Variants in DCC observed in about 807,000 individuals in gnomAD.
DCC encodes DCC netrin 1 receptor.
DCC carries 58 observed loss-of-function variants against 172.5 expected under a neutral mutation model. That is an observed-to-expected ratio of 0.34 (90% confidence interval 0.27 to 0.42). The LOEUF (loss-of-function observed/expected upper bound fraction) is 0.42, where lower values mean the gene tolerates loss of function less well. Ranked by LOEUF, DCC falls within the 10% of genes least tolerant of loss-of-function variation. DCC has a pLI of 1.00. For missense variants in DCC, 1,740 were observed against 1,791.0 expected (o/e 0.97, Z 0.51); for synonymous variants, 709 against 644.5 (o/e 1.10, Z -1.52).
At chr18:52,472,739 C>CA (rs1358269963) in intron 1 of DCC, among the ~76,000 whole-genome samples, 3 of 151,970 alleles carry the variant, frequency 2.0e-5, no homozygotes, top group African/African-American at 7.3e-5. Flanking sequence ...TGTGTCTCTA[C>CA]AAAAAACATT....
chr18:52,707,223 C>A (rs2036225473), intron 1 of DCC, among the ~76,000 whole-genome samples: 1 of 152,072 alleles, frequency 6.6e-6, no homozygotes, highest in African/African-American at 2.4e-5. Context: ...ATTATTATTG[C>A]TTATTTGCTT....
chr18:53,333,600 C>G (rs994248024), intron 14 of DCC, among the ~76,000 whole-genome samples: 1 of 151,772 alleles, frequency 6.6e-6, no homozygotes, highest in African/African-American at 2.4e-5. Context: ...GTGAGGTGAA[C>G]GAAGGCAAAA....
intron 25 of DCC, chr18:53,481,203 A>G (rs532473218): frequency 1.3e-5 from 2 of 152,342 alleles, no homozygotes; most frequent in East Asian, 3.9e-4. Context: ...AATCCTGGTA[A>G]AATGTGCAAG....
At chr18:52,844,170 G>A (rs1008182400) in intron 2 of DCC, among the ~76,000 whole-genome samples, 1 of 152,092 alleles carries the variant, frequency 6.6e-6, no homozygotes, top group Admixed American at 6.6e-5. Flanking sequence ...TGGAATATAG[G>A]ACTGGTCAGA....
At chr18:52,802,833 A>AAGGT (rs2038018510) in intron 2 of DCC, among the ~76,000 whole-genome samples, 1 of 151,334 alleles carries the variant, frequency 6.6e-6, no homozygotes, top group African/African-American at 2.4e-5. Flanking sequence ...CTGATAGCCT[A>AAGGT]TTGTTGACCA....
chr18:53,410,660 C>T lies in DCC; in HGVS notation c.3130+14C>T, dbSNP rs1568114534. The T allele has an allele frequency of 3.5e-6, 5 of 1,446,064 alleles. No individual in the cohort carries two copies. Among genetic ancestry groups the T allele is most frequent in the Admixed American group, 1.7e-5 (1 of 59,800 alleles). The allele number at this position is 1,446,064 out of a possible 1,614,324, so 89.6% of individuals were successfully genotyped here. On this transcript the variant is annotated intron_variant, in intron 20 of 28. Coordinates refer to ENST00000442544, the MANE Select transcript of DCC (RefSeq NM_005215.4). ...GGACTCTGAAAGGTTTGAATAATTT[C>T]CTATTATGCTTTTCTTTTCCTGTGG...
In DCC at chr18:52,340,806, T is replaced by C. The variant is rs547090648; in HGVS notation, c.19T>C (p.Cys7Arg). ...CTGAAATATGGAGAATAGTCTTAGATGTGTTTGGGTACCCAAGCTGGCTTT... is the reference window on the plus strand; with the variant it reads ...CTGAAATATGGAGAATAGTCTTAGACGTGTTTGGGTACCCAAGCTGGCTTT... Reference protein sequence around the residue: MENSLRCVWVPKLAFVL... With the variant: MENSLRRVWVPKLAFVL... The change falls in exon 1 of 29, where the codon TGT (cysteine) becomes CGT (arginine). Residue 7 changes from cysteine (C) to arginine (R), a missense_variant. Around this residue, in one of 2 missense-constraint regions of DCC, gnomAD observed 1,732 missense variants for 1,767.4 expected, o/e 0.98. Transcript: ENST00000442544. The C allele has an allele frequency of 1.4e-5, 23 of 1,613,822 alleles. No individual in the cohort carries two copies. Among genetic ancestry groups the C allele is most frequent in the Non-Finnish European group, 1.7e-5 (20 of 1,179,770 alleles).
chr18:53,510,502 CAA>C (rs1331609908), intron 27 of DCC, among the ~76,000 whole-genome samples: 2 of 152,158 alleles, frequency 1.3e-5, no homozygotes, highest in African/African-American at 4.8e-5. Context: ...TGCCGTAAGT[CAA>C]AAGAGTATGT....
chr18:53,414,002 G>T (rs1003084216), intron 20 of DCC, among the ~76,000 whole-genome samples: 2 of 152,136 alleles, frequency 1.3e-5, no homozygotes, highest in African/African-American at 4.8e-5. Flanking sequence ...CCTGTCAAAA[G>T]CATCTTTATC....
At chr18:52,549,928 G>A (rs528365547) in intron 1 of DCC, among the ~76,000 whole-genome samples, 2 of 151,818 alleles carry the variant, frequency 1.3e-5, no homozygotes, top group East Asian at 3.9e-4. Flanking sequence ...ATGAGGTAGA[G>A]CATGACTCTG....
At chr18:53,242,122 A>G (rs917966488) in intron 12 of DCC, among the ~76,000 whole-genome samples, 1 of 152,276 alleles carries the variant, frequency 6.6e-6, no homozygotes, top group Non-Finnish European at 1.5e-5. Context: ...GTGGGCTTGT[A>G]GTAAAGAACA....
chr18:52,927,089 G>T (rs1356498959), intron 5 of DCC, among the ~76,000 whole-genome samples: 2 of 94,468 alleles, frequency 2.1e-5, no homozygotes, highest in East Asian at 2.8e-4. Flanking sequence ...GTATATACAC[G>T]TATATACGTG....
intron 1 of DCC, among the ~76,000 whole-genome samples, chr18:52,538,454 T>G (rs561606309): frequency 1.1e-4 from 17 of 152,288 alleles, no homozygotes; most frequent in African/African-American, 3.6e-4. Context: ...ATCTATAAAC[T>G]CTTTCCTGAT....
At chr18:53,395,087 T>C (rs1020937873) in intron 17 of DCC, among the ~76,000 whole-genome samples, 1 of 150,592 alleles carries the variant, frequency 6.6e-6, no homozygotes, top group African/African-American at 2.4e-5. Flanking sequence ...GAGGCTGAGG[T>C]TGCAGCGAGC....
At chr18:52,824,838 C>CA (rs1293381740) in intron 2 of DCC, among the ~76,000 whole-genome samples, 8 of 151,956 alleles carry the variant, frequency 5.3e-5, no homozygotes, top group Admixed American at 1.3e-4. Context: ...GGCATGGTGA[C>CA]AGGTGCCTGT....
At chr18:52,828,551 C>A (rs2038554325) in intron 2 of DCC, among the ~76,000 whole-genome samples, 1 of 152,014 alleles carries the variant, frequency 6.6e-6, no homozygotes, top group South Asian at 2.1e-4. Flanking sequence ...AATCTTTATT[C>A]TTCTTGCCTA....
intron 1 of DCC, among the ~76,000 whole-genome samples, chr18:52,684,386 GT>G (rs11341428): frequency 0.95 from 142,339 of 149,050 alleles, 68,274 homozygotes; most frequent in South Asian, 1. Flanking sequence ...TTTCTTTCTT[GT>G]TTTTTTTTTT....
chr18:53,308,068 C>T (rs1286324481), intron 13 of DCC, among the ~76,000 whole-genome samples: 1 of 150,760 alleles, frequency 6.6e-6, no homozygotes, highest in African/African-American at 2.4e-5. Flanking sequence ...AGGAAGCAAT[C>T]ATATTTTTGC....
chr18:52,515,605 T>TAAA (rs2031604849), intron 1 of DCC, among the ~76,000 whole-genome samples: 1 of 1,424 alleles, frequency 7.0e-4, no homozygotes, highest in Non-Finnish European at 2.5e-3. Context: ...AAACCCTGTC[T>TAAA]CAAAAAAAAA....
Sources: allele counts gnomAD v4.1 joint callset (sites outside exome capture counted in the v4.1 genomes callset), GRCh38; gene constraint gnomAD v4.1.1; regional missense constraint gnomAD v4.1.1; transcripts MANE v1.5; gene names NCBI Gene and HGNC (gene_info 2026-07-23, HGNC 2026-07-21).